Variants in NXPH1 observed in about 807,000 individuals in gnomAD.
NXPH1 encodes neurexophilin 1, also known as neurexophilin-1.
NXPH1 carries 5 observed loss-of-function variants against 23.7 expected under a neutral mutation model. The observed-to-expected ratio is 0.21, with a 90% CI of 0.11 to 0.44. NXPH1 has a LOEUF of 0.44. NXPH1 is among the 20% of genes least tolerant of loss of function. The pLI, the probability that NXPH1 is intolerant of heterozygous loss-of-function variation, is 0.99. For synonymous variants in NXPH1, 144 were observed against 122.2 expected (o/e 1.18, Z -1.18); for missense variants, 324 against 321.6 (o/e 1.01, Z -0.06).
intron 2 of NXPH1, among the ~76,000 whole-genome samples, chr7:8,723,891 C>T (rs1456252593): frequency 6.6e-6 from 1 of 152,134 alleles, no homozygotes; most frequent in Admixed American, 6.5e-5. Context: ...GTGCAAAAAT[C>T]CTGAGACTAA....
chr7:8,536,752 G>C (rs1317690628), intron 2 of NXPH1, among the ~76,000 whole-genome samples: 1 of 151,958 alleles, frequency 6.6e-6, no homozygotes, highest in Admixed American at 6.6e-5. Flanking sequence ...AGAGAATATG[G>C]TGGCTTAGAG....
intron 2 of NXPH1, among the ~76,000 whole-genome samples, chr7:8,554,034 T>C (rs1483180461): frequency 6.6e-6 from 1 of 151,636 alleles, no homozygotes; most frequent in South Asian, 2.1e-4. Context: ...GTGGCTGAAG[T>C]GTGGTTTTAA....
At chr7:8,561,222 A>G (rs1818438735) in intron 2 of NXPH1, among the ~76,000 whole-genome samples, 1 of 151,506 alleles carries the variant, frequency 6.6e-6, no homozygotes, top group Non-Finnish European at 1.5e-5. Flanking sequence ...AAATGATTCT[A>G]GCAAGGAGAT....
At chr7:8,711,890 GC>G (rs2115198106) in intron 2 of NXPH1, among the ~76,000 whole-genome samples, 1 of 152,342 alleles carries the variant, frequency 6.6e-6, no homozygotes, top group Admixed American at 6.5e-5. Flanking sequence ...CAATAGGGAA[GC>G]TGGGATAGAA....
chr7:8,606,126 T>A (rs1038247865), intron 2 of NXPH1, among the ~76,000 whole-genome samples: 3 of 152,172 alleles, frequency 2.0e-5, no homozygotes, highest in African/African-American at 7.2e-5. Context: ...ACAGACAAGT[T>A]GACCTTTTCA....
intron 2 of NXPH1, among the ~76,000 whole-genome samples, chr7:8,479,597 G>A (rs1035239241): frequency 6.6e-6 from 1 of 152,114 alleles, no homozygotes; most frequent in Non-Finnish European, 1.5e-5. Context: ...AGATCGTGGT[G>A]GCTTTGAAAT....
At chr7:8,644,192 T>C (rs1330939569) in intron 2 of NXPH1, among the ~76,000 whole-genome samples, 1 of 152,240 alleles carries the variant, frequency 6.6e-6, no homozygotes, top group African/African-American at 2.4e-5. Flanking sequence ...GGAAAGTAAT[T>C]CTTAAGACTT....
rs28580077 is a variant in NXPH1, at chr7:8,604,449, G to A, written c.55-146559G>A. On this transcript the variant is annotated intron_variant, in intron 2 of 2. Coordinates refer to ENST00000405863, the MANE Select transcript of NXPH1 (RefSeq NM_152745.3). ...TCGCCTGCATTTTCTTTTTAGTTGC[G>A]CTATTCCTGCTTTCTTACTGTATGA... 9.0e-3 allele frequency among the ~76,000 whole-genome samples: 1,374 copies of A among 152,054 alleles called. 22 individuals are homozygous for A. The highest frequency in any genetic ancestry group is 0.032 in the African/African-American group (1,308 of 41,502).
intron 2 of NXPH1, among the ~76,000 whole-genome samples, chr7:8,627,049 T>C (rs1375756244): frequency 2.6e-5 from 4 of 152,158 alleles, no homozygotes; most frequent in Non-Finnish European, 5.9e-5. Context: ...ATGTCTATTA[T>C]ATTAATTAGA....
chr7:8,711,876 G>T (rs1779801700), intron 2 of NXPH1, among the ~76,000 whole-genome samples: 1 of 152,184 alleles, frequency 6.6e-6, no homozygotes, highest in Admixed American at 6.5e-5. Context: ...GAAGGATATG[G>T]TTACAATAGG....
intron 2 of NXPH1, among the ~76,000 whole-genome samples, chr7:8,644,923 T>C (rs984704079): frequency 3.3e-5 from 5 of 152,204 alleles, no homozygotes; most frequent in African/African-American, 1.2e-4. Flanking sequence ...ATTTTGTACT[T>C]TATATAAACA....
chr7:8,438,248 A>G (rs756765331), intron 2 of NXPH1, among the ~76,000 whole-genome samples: 3 of 152,322 alleles, frequency 2.0e-5, no homozygotes, highest in Non-Finnish European at 4.4e-5. Context: ...TTCTTCATCT[A>G]TTTCATTAAA....
At chr7:8,470,439 G>C (rs1190234731) in intron 2 of NXPH1, among the ~76,000 whole-genome samples, 1 of 152,158 alleles carries the variant, frequency 6.6e-6, no homozygotes, top group Non-Finnish European at 1.5e-5. Context: ...CTTTGTTCAA[G>C]TTGTGGCTGT....
At chr7:8,540,800 C>G (rs1408107069) in intron 2 of NXPH1, among the ~76,000 whole-genome samples, 2 of 151,614 alleles carry the variant, frequency 1.3e-5, no homozygotes, top group East Asian at 2.0e-4. Context: ...TTCCTCCAGT[C>G]AGACTTGAAA....
chr7:8,462,536 T>C (rs1563317326), intron 2 of NXPH1, among the ~76,000 whole-genome samples: 1 of 152,184 alleles, frequency 6.6e-6, no homozygotes, highest in Non-Finnish European at 1.5e-5. Context: ...ACTCAGCTAA[T>C]GATGACAGAA....
Position 8,690,120 on chromosome 7 carries a change from C to T in NXPH1, c.55-60888C>T, listed in dbSNP as rs140809411. Among the ~76,000 whole-genome samples the T allele has an allele frequency of 3.3e-5, 5 of 152,328 alleles. No individual in the cohort carries two copies. The South Asian group carries it at 8.3e-4, about 25-fold the overall frequency. Reference sequence around the variant, plus strand: ...TTATTTTAATAAAGCAATCTAGACTCATACCCCTGTGGCAGGCTTTCCAAA... The same window carrying T: ...TTATTTTAATAAAGCAATCTAGACTTATACCCCTGTGGCAGGCTTTCCAAA... On this transcript the variant is annotated intron_variant, in intron 2 of 2. Coordinates refer to ENST00000405863, the MANE Select transcript of NXPH1 (RefSeq NM_152745.3).
At chr7:8,619,869 G>T (rs1399254780) in intron 2 of NXPH1, among the ~76,000 whole-genome samples, 1 of 152,182 alleles carries the variant, frequency 6.6e-6, no homozygotes, top group African/African-American at 2.4e-5. Context: ...AGGAAGAAAA[G>T]ATGTAGAGAA....
At chr7:8,723,893 T>C (rs1418417000) in intron 2 of NXPH1, among the ~76,000 whole-genome samples, 2 of 152,190 alleles carry the variant, frequency 1.3e-5, no homozygotes, top group Admixed American at 6.5e-5. Flanking sequence ...GCAAAAATCC[T>C]GAGACTAAAG....
intron 2 of NXPH1, among the ~76,000 whole-genome samples, chr7:8,484,523 A>G (rs1490900431): frequency 6.6e-6 from 1 of 152,188 alleles, no homozygotes; most frequent in African/African-American, 2.4e-5. Context: ...AAATAATCCT[A>G]GGATTTACAT....
Sources: gnomAD v4.1 joint callset for allele counts (sites outside exome capture counted in the v4.1 genomes callset) on GRCh38, gnomAD v4.1.1 for gene constraint, MANE v1.5 for transcripts, NCBI Gene and HGNC (gene_info 2026-07-23, HGNC 2026-07-21) for gene names.